TRPC1: variants seen among roughly 807,000 people sequenced by gnomAD.
TRPC1 encodes short transient receptor potential channel 1.
A neutral mutation model predicts 88.2 loss-of-function variants in TRPC1; 42 were observed. That is an observed-to-expected ratio of 0.48 (90% CI 0.37 to 0.62). The LOEUF (loss-of-function observed/expected upper bound fraction) is 0.62. TRPC1 is among the 20% of genes least tolerant of loss of function. TRPC1 has a pLI of 0.00. For synonymous variants in TRPC1, 288 were observed against 331.8 expected (o/e 0.87, Z 1.43); for missense variants, 699 against 957.3 (o/e 0.73, Z 3.56).
At chr3:142,804,716 T>A in intron 12 of TRPC1, 86 bp downstream of exon 12, 1 of 1,302,612 alleles carries the variant, frequency 7.7e-7, no homozygotes, top group Non-Finnish European at 1.1e-6. Flanking sequence ...GTATGCAGGT[T>A]CCCTAAGGGC....
chr3:142,795,594 T>C (rs1400136080), intron 9 of TRPC1, among the ~76,000 whole-genome samples: 1 of 150,650 alleles, frequency 6.6e-6, no homozygotes, highest in Non-Finnish European at 1.5e-5. Context: ...AAAAAACAAC[T>C]GTCAACCTGG....
At chr3:142,801,684 G>A (rs1036562436) in intron 9 of TRPC1, among the ~76,000 whole-genome samples, 4 of 152,064 alleles carry the variant, frequency 2.6e-5, no homozygotes, top group African/African-American at 9.7e-5. Flanking sequence ...AGAAATTAGG[G>A]CAGTCCCATA....
chr3:142,761,268 T>C (rs1935175529), intron 4 of TRPC1, among the ~76,000 whole-genome samples: 1 of 152,152 alleles, frequency 6.6e-6, no homozygotes, highest in African/African-American at 2.4e-5. Flanking sequence ...TGGTTGTTGT[T>C]GTTGTTATAA....
chr3:142,801,008 TCC>T, intron 9 of TRPC1, among the ~76,000 whole-genome samples: 1 of 152,128 alleles, frequency 6.6e-6, no homozygotes, highest in Non-Finnish European at 1.5e-5. Flanking sequence ...TATGTAAACT[TCC>T]AGAAACTTCC....
At chr3:142,802,997 C>A (rs1188789714) in intron 10 of TRPC1, among the ~76,000 whole-genome samples, 1 of 152,144 alleles carries the variant, frequency 6.6e-6, no homozygotes. Context: ...GTACCACTTA[C>A]TATATACCAG....
intron 4 of TRPC1, among the ~76,000 whole-genome samples, chr3:142,769,229 G>T (rs1025518469): frequency 4.0e-5 from 6 of 151,826 alleles, no homozygotes; most frequent in African/African-American, 1.5e-4. Flanking sequence ...GTATGTAAAT[G>T]ATCACCACAG....
intron 4 of TRPC1, among the ~76,000 whole-genome samples, chr3:142,763,631 C>T (rs7648475): frequency 0.07 from 10,655 of 151,826 alleles, 1,221 homozygotes; most frequent in African/African-American, 0.24. Context: ...TCCATTAAGC[C>T]ACACTATGCT....
Position 142,782,386 on chromosome 3 carries a change from C to T in TRPC1, c.960+1357C>T, listed in dbSNP as rs543071361. Among the ~76,000 whole-genome samples the T allele has an allele frequency of 1.2e-4, 19 of 152,238 alleles. No homozygotes were observed. The South Asian group carries it at 1.7e-3, about 13-fold the overall frequency. ...GTTTTTAAAACTAGATTTCTAAATACGATCAGTGGGGAAGATATTTTCTCA... is the reference window on the plus strand; with the variant it reads ...GTTTTTAAAACTAGATTTCTAAATATGATCAGTGGGGAAGATATTTTCTCA... On this transcript the variant is annotated intron_variant, in intron 6 of 12. Transcript: ENST00000476941.
rs1421782038 is a variant in TRPC1, at chr3:142,803,964, A to G, written c.1758-13A>G. The G allele has an allele frequency of 1.2e-6, 2 of 1,610,720 alleles. No individual in the cohort carries two copies. The highest frequency in any genetic ancestry group is 1.1e-5 in the South Asian group (1 of 90,778). ...TAATTGCCTTTTAAACAGAAATGCA[A>G]TTGTCTTTACAGGTTCATTGGCACC... On this transcript the variant is annotated splice_polypyrimidine_tract_variant and intron_variant, in intron 10 of 12. Coordinates refer to ENST00000476941, the MANE Select transcript of TRPC1 (RefSeq NM_001251845.2).
At chr3:142,747,342 CA>C (rs11342744) in intron 3 of TRPC1, among the ~76,000 whole-genome samples, 54,311 of 150,798 alleles carry the variant, frequency 0.36, 10,070 homozygotes, top group African/African-American at 0.43. Flanking sequence ...TATAATATTG[CA>C]AAAAAAAAGT....
Position 142,763,959 on chromosome 3 carries a change from AATATAT to A in TRPC1, c.633-13653_633-13648del, listed in dbSNP as rs1159520441. 6.0e-4 allele frequency among the ~76,000 whole-genome samples: 46 copies of A among 76,312 alleles called. 1 individual carries two copies. Among genetic ancestry groups the A allele is most frequent in the Middle Eastern group, 0.014 (2 of 138 alleles). The allele number at this position is 76,312 out of a possible 152,430, so 50.1% of individuals were successfully genotyped here. On this transcript the variant is annotated intron_variant, in intron 4 of 12. Coordinates refer to ENST00000476941, the MANE Select transcript of TRPC1 (RefSeq NM_001251845.2). The stretch of plus-strand genomic sequence containing the variant: ...GCGAGACTCCGTCTCAAAAAAAAGA[AATATAT>A]ATATATATATATATATATACACATA...
intron 11 of TRPC1, 114 bp downstream of exon 11, chr3:142,804,292 A>G: frequency 4.2e-6 from 5 of 1,181,988 alleles, no homozygotes; most frequent in Non-Finnish European, 5.7e-6. Flanking sequence ...AGTATTTTTA[A>G]ATTAAATATA....
chr3:142,764,741 T>C (rs1004695794), intron 4 of TRPC1, among the ~76,000 whole-genome samples: 4 of 152,138 alleles, frequency 2.6e-5, no homozygotes, highest in African/African-American at 9.6e-5. Flanking sequence ...ATGTCTTGTA[T>C]AGATTGAATC....
At chr3:142,744,890 A>G (rs1278536669) in intron 3 of TRPC1, among the ~76,000 whole-genome samples, 1 of 152,228 alleles carries the variant, frequency 6.6e-6, no homozygotes, top group Admixed American at 6.5e-5. Context: ...AGCAGTTTAA[A>G]TAACTGCTGG....
intron 2 of TRPC1, among the ~76,000 whole-genome samples, chr3:142,737,040 G>T (rs1044453755): frequency 5.3e-5 from 8 of 152,014 alleles, no homozygotes; most frequent in Non-Finnish European, 1.2e-4. Flanking sequence ...AAAGATGAAT[G>T]ATTTTTATCC....
intron 9 of TRPC1, among the ~76,000 whole-genome samples, chr3:142,800,634 AG>A (rs1158556101): frequency 2.6e-5 from 4 of 152,068 alleles, no homozygotes; most frequent in Admixed American, 6.6e-5. Context: ...AAAAATAATG[AG>A]GCCAGGCACG....
intron 1 of TRPC1, among the ~76,000 whole-genome samples, chr3:142,732,805 C>T (rs1018589943): frequency 9.8e-5 from 15 of 152,310 alleles, no homozygotes; most frequent in Admixed American, 1.3e-4. Context: ...CTCTTGAAAG[C>T]AACTTCGTTA....
chr3:142,753,504 G>A (rs1271761768), intron 4 of TRPC1, among the ~76,000 whole-genome samples: 2 of 152,078 alleles, frequency 1.3e-5, no homozygotes, highest in South Asian at 2.1e-4. Context: ...GGTGGCTCAC[G>A]CCTGTAATCC....
At chr3:142,790,960 AT>A (rs1553808163) in intron 7 of TRPC1, 58 bp from the exon 8 acceptor site, 1 of 1,348,936 alleles carries the variant, frequency 7.4e-7, no homozygotes, top group South Asian at 1.8e-5. Flanking sequence ...TTAAAGTATT[AT>A]TTAGTTTATT....
Sources: allele counts gnomAD v4.1 joint callset (sites outside exome capture counted in the v4.1 genomes callset), GRCh38; gene constraint gnomAD v4.1.1; transcripts MANE v1.5; gene names NCBI Gene and HGNC (gene_info 2026-07-23, HGNC 2026-07-21).